Variants in FGF13 observed in about 807,000 individuals in gnomAD.
FGF13 encodes fibroblast growth factor homologous factor 2.
A neutral mutation model predicts 19.5 loss-of-function variants in FGF13; 2 were observed. That is an observed-to-expected ratio of 0.10 (90% CI 0.04 to 0.32). The LOEUF (loss-of-function observed/expected upper bound fraction) is 0.32, where lower values mean the gene tolerates loss of function less well. Among genes scored for constraint, FGF13 ranks in the 10% least tolerant of loss-of-function variants. The pLI is 1.00. For synonymous variants in FGF13, 72 were observed against 76.9 expected (o/e 0.94, Z 0.33); for missense variants, 113 against 192.7 (o/e 0.59, Z 2.45).
chrX:139,079,758 A>G (rs1452753628), intron 1 of FGF13, among the ~76,000 whole-genome samples: 1 of 111,350 alleles, frequency 9.0e-6, no homozygotes, highest in African/African-American at 3.3e-5. Context: ...AGTGTGGACT[A>G]TGGAATCATA....
intron 1 of FGF13, among the ~76,000 whole-genome samples, chrX:138,924,787 C>A (rs1160033256): frequency 9.2e-6 from 1 of 108,134 alleles, no homozygotes; most frequent in East Asian, 2.9e-4. Flanking sequence ...ACATCCTAAC[C>A]AAGGGACCAC....
At chrX:139,063,267 T>TCCCCCCC (rs1490297363) in intron 1 of FGF13, among the ~76,000 whole-genome samples, 1 of 111,734 alleles carries the variant, frequency 8.9e-6, no homozygotes, top group Non-Finnish European at 1.9e-5. Flanking sequence ...TACATATTGA[T>TCCCCCCC]CCCATACCCA....
At chrX:139,118,070 C>T (rs1435677971) in intron 1 of FGF13, among the ~76,000 whole-genome samples, 3 of 111,371 alleles carry the variant, frequency 2.7e-5, no homozygotes, top group African/African-American at 9.8e-5. Context: ...GCAGTTCGCA[C>T]AGTCCTATAG....
chrX:138,922,541 C>T (rs944975259), intron 1 of FGF13, among the ~76,000 whole-genome samples: 19 of 111,785 alleles, frequency 1.7e-4, no homozygotes, highest in African/African-American at 5.5e-4. Context: ...TAATTTGCTG[C>T]TCAGCTCTAG....
At chrX:139,201,356 A>C (rs2084413616) in intron 1 of FGF13, among the ~76,000 whole-genome samples, 1 of 112,068 alleles carries the variant, frequency 8.9e-6, no homozygotes, top group African/African-American at 3.2e-5. Context: ...CTCTATAATA[A>C]TTGATGTAGT....
intron 3 of FGF13, among the ~76,000 whole-genome samples, chrX:138,747,133 T>C (rs1280136420): frequency 2.7e-5 from 3 of 111,043 alleles, no homozygotes; most frequent in Non-Finnish European, 5.7e-5. Context: ...CAGAATCCTA[T>C]GGAAATTCTA....
chrX:138,827,124 T>C (rs1464665360), intron 3 of FGF13, among the ~76,000 whole-genome samples: 2 of 112,357 alleles, frequency 1.8e-5, no homozygotes, highest in Non-Finnish European at 3.8e-5. Flanking sequence ...GAAGAGTTTG[T>C]ATCCAAGATA....
chrX:138,926,281 T>C (rs1289246052), intron 1 of FGF13, among the ~76,000 whole-genome samples: 9 of 112,227 alleles, frequency 8.0e-5, no homozygotes, highest in Non-Finnish European at 7.5e-5. Flanking sequence ...CACTACTGTG[T>C]TTAAGACACT....
intron 3 of FGF13, among the ~76,000 whole-genome samples, chrX:138,791,866 A>G (rs1381392675): frequency 8.9e-6 from 1 of 112,053 alleles, no homozygotes; most frequent in Non-Finnish European, 1.9e-5. Context: ...CAGAAAAGAC[A>G]TTAGCTTTGA....
intron 1 of FGF13, among the ~76,000 whole-genome samples, chrX:139,117,227 G>A (rs971937609): frequency 9.0e-6 from 1 of 111,405 alleles, no homozygotes; most frequent in African/African-American, 3.3e-5. Flanking sequence ...AACTGGAAAG[G>A]GAGGTGCTGC....
intron 1 of FGF13, among the ~76,000 whole-genome samples, chrX:139,093,430 C>A (rs1031084449): frequency 2.7e-5 from 3 of 112,051 alleles, no homozygotes; most frequent in Non-Finnish European, 5.6e-5. Flanking sequence ...GCGAGAAGAA[C>A]CAAGGGTCAG....
intron 3 of FGF13, among the ~76,000 whole-genome samples, chrX:138,793,072 G>A (rs1228659032): frequency 1.8e-5 from 2 of 111,505 alleles, no homozygotes; most frequent in African/African-American, 6.5e-5. Flanking sequence ...AGGAAGTGAT[G>A]CGAAGACAGG....
In FGF13 at chrX:138,627,765, T is replaced by C. The variant is rs1056638964; in HGVS notation, c.*5085A>G. ...ATTCTAAAACTGAAAATCATCCACA[T>C]TGTGTGTTCTAGAAAGACTTCCTGC... On this transcript the variant is annotated 3_prime_UTR_variant, in exon 5 of 5. Transcript: ENST00000315930. The C allele has an allele frequency of 7.2e-5, 8 of 110,759 alleles. No homozygotes were observed. Among genetic ancestry groups the C allele is most frequent in the African/African-American group, 1.3e-4 (4 of 30,491 alleles). The allele number at this position is 110,759 out of a possible 1,213,427, so 9.1% of individuals were successfully genotyped here. A position where few individuals can be genotyped will look rare whatever the true frequency, so the allele number is the denominator to read the frequency against.
At chrX:138,723,083 G>A (rs1383533139) in intron 1 of FGF13, among the ~76,000 whole-genome samples, 2 of 96,775 alleles carry the variant, frequency 2.1e-5, no homozygotes, top group Admixed American at 2.2e-4. Context: ...GATGGTGGAA[G>A]TAGGATACTA....
chrX:138,642,210 G>C (rs1411125550), intron 3 of FGF13, among the ~76,000 whole-genome samples: 1 of 97,962 alleles, frequency 1.0e-5, no homozygotes, highest in Admixed American at 1.1e-4. Flanking sequence ...AAAAGGGGGA[G>C]AGGGTGAGGG....
intron 1 of FGF13, among the ~76,000 whole-genome samples, chrX:138,946,138 G>A (rs1396540278): frequency 9.0e-6 from 1 of 111,588 alleles, no homozygotes; most frequent in African/African-American, 3.3e-5. Flanking sequence ...TTGTAAGGTA[G>A]GTATGATAAT....
chrX:138,764,499 AG>A (rs1174380711), intron 3 of FGF13, among the ~76,000 whole-genome samples: 1 of 112,842 alleles, frequency 8.9e-6, no homozygotes, highest in Non-Finnish European at 1.9e-5. Context: ...CAGCAAGTTT[AG>A]GGTGGCTTCC....
chrX:138,786,387 A>G (rs1428729035), intron 3 of FGF13, among the ~76,000 whole-genome samples: 1 of 111,740 alleles, frequency 8.9e-6, no homozygotes, highest in Non-Finnish European at 1.9e-5. Flanking sequence ...GCACCTGAAG[A>G]GGAGGAAGCT....
intron 2 of FGF13, 42 bp from the exon 3 acceptor site, chrX:138,703,129 A>C (rs746662680): frequency 1.5e-4 from 160 of 1,035,250 alleles, no homozygotes; most frequent in Non-Finnish European, 2.0e-4. Flanking sequence ...TACAATTCTG[A>C]ATTTCAGAAC....
Sources: allele counts gnomAD v4.1 joint callset (sites outside exome capture counted in the v4.1 genomes callset), GRCh38; gene constraint gnomAD v4.1.1; transcripts MANE v1.5; gene names NCBI Gene and HGNC (gene_info 2026-07-23, HGNC 2026-07-21).